ACTR3C: variants seen among roughly 807,000 people sequenced by gnomAD.
ACTR3C encodes actin-related protein 3C.
In ACTR3C, 18 loss-of-function variants were observed where a neutral mutation model predicts 26.3. The ratio of observed to expected loss-of-function variants is 0.68; its 90% CI spans 0.47 to 1.01. The LOEUF is 1.01. ACTR3C is among the 50% of genes least tolerant of loss of function. The pLI is 0.00. For synonymous variants in ACTR3C, 55 were observed against 94.5 expected (o/e 0.58, Z 2.42); for missense variants, 184 against 250.7 (o/e 0.73, Z 1.80).
the ACTR3C span, among the ~76,000 whole-genome samples, chr7:150,011,379 G>T: frequency 6.6e-6 from 1 of 152,056 alleles, no homozygotes; most frequent in Non-Finnish European, 1.5e-5. Flanking sequence ...GAGGTCAGGA[G>T]TTCAAGACGA....
At chr7:149,997,642 C>G in the ACTR3C span, among the ~76,000 whole-genome samples, 1 of 150,098 alleles carries the variant, frequency 6.7e-6, no homozygotes. Flanking sequence ...CGATTATCCT[C>G]TATTTTCCTC....
chr7:150,201,479 G>A, the ACTR3C span, among the ~76,000 whole-genome samples: 1 of 152,022 alleles, frequency 6.6e-6, no homozygotes, highest in Non-Finnish European at 1.5e-5. Context: ...TGGGCACAGT[G>A]GCTTATGGCT....
the ACTR3C span, among the ~76,000 whole-genome samples, chr7:149,903,313 GCAATA>G: frequency 6.6e-6 from 1 of 151,292 alleles, no homozygotes; most frequent in African/African-American, 2.4e-5. Flanking sequence ...CTATTTGAAG[GCAATA>G]CAATAGTCTG....
At chr7:149,947,024 G>A in the ACTR3C span, among the ~76,000 whole-genome samples, 2 of 151,684 alleles carry the variant, frequency 1.3e-5, no homozygotes, top group Admixed American at 6.5e-5. Flanking sequence ...GCCCATGCCG[G>A]GGGCGGTGGA....
At chr7:150,299,964 G>GTT (rs34491838) in intron 1 of ACTR3C, among the ~76,000 whole-genome samples, 204 of 150,564 alleles carry the variant, frequency 1.4e-3, no homozygotes, top group African/African-American at 4.7e-3. Context: ...TAGTATTAGG[G>GTT]TTTTTTTTTA....
chr7:150,035,075 A>G, the ACTR3C span, among the ~76,000 whole-genome samples: 1 of 136,140 alleles, frequency 7.3e-6, no homozygotes, highest in Non-Finnish European at 1.6e-5. Context: ...CCGTCGGAAG[A>G]TTTGAACTTT....
downstream of ACTR3C, among the ~76,000 whole-genome samples, chr7:150,243,743 G>A (rs894747000): frequency 3.9e-5 from 6 of 151,920 alleles, no homozygotes; most frequent in African/African-American, 9.7e-5. Flanking sequence ...TTGTTATGCC[G>A]GATTGTTTAG....
At chr7:150,292,250 G>A (rs1448270442) in intron 3 of ACTR3C, among the ~76,000 whole-genome samples, 2 of 152,022 alleles carry the variant, frequency 1.3e-5, no homozygotes, top group Non-Finnish European at 2.9e-5. Context: ...TGGTTCCTGA[G>A]GAGGAGACCT....
chr7:150,260,873 T>C (rs540730499), intron 6 of ACTR3C, among the ~76,000 whole-genome samples: 29 of 152,332 alleles, frequency 1.9e-4, no homozygotes, highest in Admixed American at 1.5e-3. Flanking sequence ...GCTTGGTCTT[T>C]TATGAGATAT....
chr7:150,105,655 T>A, the ACTR3C span, among the ~76,000 whole-genome samples: 2 of 152,050 alleles, frequency 1.3e-5, no homozygotes, highest in African/African-American at 4.8e-5. Context: ...GTCCCTCAAT[T>A]ATTTACTTAT....
At chr7:150,227,694 TTTTTTTG>T in the ACTR3C span, among the ~76,000 whole-genome samples, 1,199 of 140,148 alleles carry the variant, frequency 8.6e-3, 43 homozygotes, top group African/African-American at 0.034. Context: ...CTGGGTTTTT[TTTTTTTG>T]TTTTTTTTTT....
the ACTR3C span, among the ~76,000 whole-genome samples, chr7:150,108,635 A>T: frequency 6.7e-6 from 1 of 150,072 alleles, no homozygotes; most frequent in African/African-American, 2.5e-5. Flanking sequence ...AATGTATTTT[A>T]AAAAATGGGG....
At chr7:150,120,442 G>C in the ACTR3C span, among the ~76,000 whole-genome samples, 1 of 152,096 alleles carries the variant, frequency 6.6e-6, no homozygotes, top group East Asian at 1.9e-4. Context: ...TACCATCAGA[G>C]AATATTATAA....
the ACTR3C span, among the ~76,000 whole-genome samples, chr7:150,193,544 A>C: frequency 6.6e-6 from 1 of 151,492 alleles, no homozygotes; most frequent in African/African-American, 2.4e-5. Flanking sequence ...CTTTTCCAGC[A>C]TAAGAATTTA....
the ACTR3C span, among the ~76,000 whole-genome samples, chr7:149,886,209 G>A: frequency 6.6e-6 from 1 of 152,164 alleles, no homozygotes; most frequent in Non-Finnish European, 1.5e-5. Flanking sequence ...TCACCACACT[G>A]ATGCACTTTG....
the ACTR3C span, among the ~76,000 whole-genome samples, chr7:150,083,144 G>A: frequency 2.0e-5 from 3 of 150,636 alleles, no homozygotes; most frequent in Non-Finnish European, 3.0e-5. Context: ...GTAGAGACAG[G>A]CCCGTACTAT....
chr7:150,160,234 G>A, the ACTR3C span, among the ~76,000 whole-genome samples: 2 of 152,104 alleles, frequency 1.3e-5, no homozygotes, highest in Non-Finnish European at 2.9e-5. Flanking sequence ...TAGTAAAAAA[G>A]AAGGGAATAA....
chr7:149,931,658 G>A, the ACTR3C span, among the ~76,000 whole-genome samples: 1 of 152,172 alleles, frequency 6.6e-6, no homozygotes, highest in Non-Finnish European at 1.5e-5. Context: ...GTTTAATAAC[G>A]CTGTAATTAA....
chr7:150,106,361 A>C, the ACTR3C span, among the ~76,000 whole-genome samples: 1 of 125,630 alleles, frequency 8.0e-6, no homozygotes, highest in Non-Finnish European at 1.7e-5. Context: ...TTTTATTGAA[A>C]ATTGATGGGG....
Sources: allele counts gnomAD v4.1 joint callset (sites outside exome capture counted in the v4.1 genomes callset), GRCh38; gene constraint gnomAD v4.1.1; transcripts MANE v1.5; gene names NCBI Gene and HGNC (gene_info 2026-07-23, HGNC 2026-07-21).